EEIG1: variants seen among roughly 807,000 people sequenced by gnomAD.
The protein encoded by EEIG1 is estrogen-induced osteoclastogenesis regulator 1, also known as early estrogen-induced gene 1 protein.
the EEIG1 span, among the ~76,000 whole-genome samples, chr9:127,979,021 A>G: frequency 2.0e-5 from 3 of 151,948 alleles, no homozygotes; most frequent in African/African-American, 7.3e-5. Flanking sequence ...CGTCCCCCCA[A>G]AAAAGAAAAA....
chr9:127,970,039 A>G, the EEIG1 span, among the ~76,000 whole-genome samples: 1 of 152,154 alleles, frequency 6.6e-6, no homozygotes, highest in Admixed American at 6.5e-5. Flanking sequence ...CCTTCCAGAC[A>G]TGACTCCCCT....
At chr9:127,975,262 G>A in the EEIG1 span, among the ~76,000 whole-genome samples, 3 of 152,184 alleles carry the variant, frequency 2.0e-5, no homozygotes, top group South Asian at 2.1e-4. Context: ...CTGTGCCTCC[G>A]GGGCCACCAT....
At chr9:127,963,370 C>T in the EEIG1 span, among the ~76,000 whole-genome samples, 1 of 152,276 alleles carries the variant, frequency 6.6e-6, no homozygotes, top group African/African-American at 2.4e-5. Context: ...TGATGAACGG[C>T]CCTCCCGGGC....
the EEIG1 span, among the ~76,000 whole-genome samples, chr9:127,976,853 G>T: frequency 4.6e-5 from 7 of 152,086 alleles, no homozygotes; most frequent in African/African-American, 1.7e-4. The surrounding 1 kb of genome is among the most constrained non-coding windows in gnomAD (Gnocchi z 4.1). Context: ...GGTTCCTGGG[G>T]GTGGGGGAAA....
chr9:127,953,605 C>T, the EEIG1 span: 1 of 1,614,140 alleles, frequency 6.2e-7, no homozygotes. Flanking sequence ...CTTTCAGCTC[C>T]TGCACAGGGA....
chr9:127,941,286 A>G, the EEIG1 span: 119,899 of 152,316 alleles, frequency 0.79, 48,080 homozygotes, highest in Non-Finnish European at 0.87. Flanking sequence ...GCTGTTTTCC[A>G]CCCAAAGCCC....
At chr9:127,947,978 T>C in the EEIG1 span, 1 of 1,402,272 alleles carries the variant, frequency 7.1e-7, no homozygotes, top group Non-Finnish European at 9.7e-7. Flanking sequence ...CACTCTCCCC[T>C]CAGTCAGCGT....
the EEIG1 span, chr9:127,944,218 G>A: frequency 3.6e-6 from 1 of 276,290 alleles, no homozygotes. Context: ...CTGGTGCTAG[G>A]GAAAGATTTG....
the EEIG1 span, among the ~76,000 whole-genome samples, chr9:127,973,184 AG>A: frequency 6.6e-6 from 1 of 152,166 alleles, no homozygotes; most frequent in Non-Finnish European, 1.5e-5. The surrounding 1 kb of genome is among the most constrained non-coding windows in gnomAD (Gnocchi z 4.2). Flanking sequence ...GAGTGACTGC[AG>A]GGTCACTGCA....
the EEIG1 span, among the ~76,000 whole-genome samples, chr9:127,976,862 A>G: frequency 3.9e-5 from 6 of 152,038 alleles, no homozygotes; most frequent in African/African-American, 1.2e-4. The surrounding 1 kb of genome is among the most constrained non-coding windows in gnomAD (Gnocchi z 4.1). Context: ...GGGTGGGGGA[A>G]ATATGCTATT....
At chr9:127,967,222 G>C in the EEIG1 span, among the ~76,000 whole-genome samples, 1 of 152,106 alleles carries the variant, frequency 6.6e-6, no homozygotes, top group Non-Finnish European at 1.5e-5. Flanking sequence ...GTGGGAAAAG[G>C]CCCCCCAGCA....
chr9:127,965,365 T>C, the EEIG1 span, among the ~76,000 whole-genome samples: 1 of 152,138 alleles, frequency 6.6e-6, no homozygotes. Context: ...GAGCCACTGC[T>C]GCAGGTCTTA....
chr9:127,963,137 A>G, the EEIG1 span, among the ~76,000 whole-genome samples: 1 of 152,254 alleles, frequency 6.6e-6, no homozygotes, highest in Non-Finnish European at 1.5e-5. Flanking sequence ...GGGTTATCAG[A>G]GACTCTTTCT....
the EEIG1 span, chr9:127,943,062 T>A: frequency 1.3e-6 from 1 of 799,440 alleles, no homozygotes; most frequent in Non-Finnish European, 2.2e-6. Flanking sequence ...GAGTGTGGAC[T>A]GGAGTGCATG....
chr9:127,959,654 G>T, the EEIG1 span, among the ~76,000 whole-genome samples: 60 of 152,250 alleles, frequency 3.9e-4, no homozygotes, highest in East Asian at 0.011. Context: ...TTTTATAAGG[G>T]GCTCTTTCCC....
At chr9:127,959,757 G>A in the EEIG1 span, among the ~76,000 whole-genome samples, 51 of 152,218 alleles carry the variant, frequency 3.4e-4, no homozygotes, top group South Asian at 0.01. Flanking sequence ...CTGAGGCCTC[G>A]GCACCCATGT....
the EEIG1 span, among the ~76,000 whole-genome samples, chr9:127,961,883 G>A: frequency 9.2e-5 from 14 of 152,222 alleles, no homozygotes; most frequent in Admixed American, 1.3e-4. Context: ...TAGCTGGGGC[G>A]GAGGATGCCG....
chr9:127,949,329 A>AG, the EEIG1 span, among the ~76,000 whole-genome samples: 4 of 150,968 alleles, frequency 2.6e-5, no homozygotes, highest in Non-Finnish European at 3.0e-5. Context: ...AAAAAAAAAA[A>AG]AAAGAAAGGG....
At chr9:127,947,992 C>T in the EEIG1 span, 2 of 1,493,706 alleles carry the variant, frequency 1.3e-6, no homozygotes, top group Non-Finnish European at 1.8e-6. Flanking sequence ...TCAGCGTCTC[C>T]CTGGGGACCT....
Sources: gnomAD v4.1 joint callset for allele counts (sites outside exome capture counted in the v4.1 genomes callset) on GRCh38, gnomAD v4.1.1 for gene constraint, Gnocchi (gnomAD v3.1) non-coding constraint, MANE v1.5 for transcripts, NCBI Gene and HGNC (gene_info 2026-07-23, HGNC 2026-07-21) for gene names.